HOPX: variants seen among roughly 807,000 people sequenced by gnomAD.
HOPX encodes HOP homeobox, also known as homeodomain-only protein.
In HOPX, 5 loss-of-function variants were observed where a neutral mutation model predicts 11.8. The ratio of observed to expected loss-of-function variants is 0.43; its 90% CI spans 0.22 to 0.89. The LOEUF is 0.89. Ranked by LOEUF, HOPX falls within the 40% of genes least tolerant of loss-of-function variation. The pLI is 0.28. For missense variants in HOPX, 119 were observed against 120.0 expected (o/e 0.99, Z 0.04); for synonymous variants, 49 against 49.7 (o/e 0.99, Z 0.06).
chr4:56,650,726 G>A lies in HOPX; in HGVS notation c.199-1929C>T, dbSNP rs1717085784. 4.5e-6 allele frequency: 7 copies of A among 1,551,698 alleles called. No individual in the cohort carries two copies. In the East Asian group the frequency reaches 1.7e-4, roughly 38 times the overall value. On this transcript the variant is annotated intron_variant, in intron 3 of 3. Coordinates refer to ENST00000420433, the MANE Select transcript of HOPX (RefSeq NM_032495.6). ...GTAGAGAAAAGTAATCGAAAGCCAAGCACGGCAGACTATCATGGGGGTAGC... is the reference window on the plus strand; with the variant it reads ...GTAGAGAAAAGTAATCGAAAGCCAAACACGGCAGACTATCATGGGGGTAGC...
At chr4:56,679,413 G>A (rs1004598696) in intron 1 of HOPX, 1 of 151,694 alleles carries the variant, frequency 6.6e-6, no homozygotes, top group Non-Finnish European at 1.5e-5. Context: ...TGTACCTTGG[G>A]AGTCCCCCCA....
At chr4:56,650,706 G>C in intron 3 of HOPX, 1 of 1,551,784 alleles carries the variant, frequency 6.4e-7, no homozygotes, top group East Asian at 2.4e-5. Context: ...CGGCAGTAGA[G>C]AAAAGTAATC....
chr4:56,673,219 A>C (rs547957709), intron 1 of HOPX, among the ~76,000 whole-genome samples: 18 of 152,360 alleles, frequency 1.2e-4, no homozygotes, highest in African/African-American at 4.3e-4. Context: ...ATAATGCATT[A>C]GAAATATCAT....
chr4:56,657,933 A>T, intron 1 of HOPX, 34 bp from the exon 2 acceptor site: 1 of 1,541,456 alleles, frequency 6.5e-7, no homozygotes, highest in Non-Finnish European at 8.7e-7. Context: ...AGTAGTCATA[A>T]TGCAGGCAGG....
At chr4:56,656,791 C>G (rs754816590) in intron 2 of HOPX, among the ~76,000 whole-genome samples, 1 of 152,164 alleles carries the variant, frequency 6.6e-6, no homozygotes, top group Non-Finnish European at 1.5e-5. Context: ...CCTTCGCCCC[C>G]ACTCTTTCTA....
rs1026065689 is a variant in HOPX at position 56,657,990 on chromosome 4, C to A, written c.-83-91G>T. 16 of 1,197,748 alleles carry A rather than the reference C, an allele frequency of 1.3e-5. No individual in the cohort carries two copies. The African/African-American group carries it at 2.4e-4, about 18-fold the overall frequency. The allele number at this position is 1,197,748 out of a possible 1,614,324, so 74.2% of individuals were successfully genotyped here. A position where few individuals can be genotyped will look rare whatever the true frequency, so the allele number is the denominator to read the frequency against. ...GGCATAGACTGTCCTAGTAGGACAC[C>A]AATTCTAGCCAAAGTTGCCCACGGG... On this transcript the variant is annotated intron_variant, in intron 1 of 3. Coordinates refer to ENST00000420433, the MANE Select transcript of HOPX (RefSeq NM_032495.6).
intron 3 of HOPX, among the ~76,000 whole-genome samples, chr4:56,653,192 C>G (rs767510378): frequency 9.2e-5 from 14 of 152,090 alleles, no homozygotes; most frequent in Non-Finnish European, 1.5e-4. Context: ...CATGCACCAG[C>G]ACACCTGTTT....
intron 1 of HOPX, among the ~76,000 whole-genome samples, chr4:56,677,420 G>T (rs1719073036): frequency 6.6e-6 from 1 of 151,556 alleles, no homozygotes; most frequent in South Asian, 2.1e-4. Context: ...AATTCAAATG[G>T]TAACTATATA....
chr4:56,681,186 G>A, intron 1 of HOPX, 69 bp downstream of exon 1: 1 of 968,616 alleles, frequency 1.0e-6, no homozygotes, highest in Non-Finnish European at 1.2e-6. Context: ...GGTAACGATA[G>A]CATTTTGGTC....
At chr4:56,676,142 C>T in intron 1 of HOPX, among the ~76,000 whole-genome samples, 1 of 151,202 alleles carries the variant, frequency 6.6e-6, no homozygotes, top group South Asian at 2.1e-4. Flanking sequence ...ATCAAAACTA[C>T]AAAAAATTAG....
intron 2 of HOPX, chr4:56,656,357 G>C: frequency 1.9e-6 from 2 of 1,032,676 alleles, no homozygotes; most frequent in Non-Finnish European, 2.3e-6. Flanking sequence ...CGGCTCTAAG[G>C]AAGGAGTGAA....
At chr4:56,656,059 G>C (rs570578711) in intron 2 of HOPX, 47 bp from the exon 3 acceptor site, 51 of 1,463,120 alleles carry the variant, frequency 3.5e-5, no homozygotes, top group South Asian at 5.3e-5. Flanking sequence ...CGTGGAGCGG[G>C]CGGGACGCAG....
chr4:56,677,059 C>T (rs1719056873), intron 1 of HOPX, among the ~76,000 whole-genome samples: 1 of 151,848 alleles, frequency 6.6e-6, no homozygotes, highest in Non-Finnish European at 1.5e-5. Context: ...CAGCCTTCTG[C>T]TCCTGAGAAA....
At chr4:56,649,014 T>A (rs947950030) in intron 3 of HOPX, 9 of 408,198 alleles carry the variant, frequency 2.2e-5, no homozygotes, top group Non-Finnish European at 4.0e-5. Flanking sequence ...TTATTCTTTA[T>A]CTGATGATCT....
chr4:56,671,788 C>A (rs1232410986), intron 1 of HOPX, among the ~76,000 whole-genome samples: 1 of 152,092 alleles, frequency 6.6e-6, no homozygotes, highest in Non-Finnish European at 1.5e-5. Context: ...CGTGATACTG[C>A]AGAAAGAGAT....
intron 1 of HOPX, chr4:56,679,265 G>A (rs1719190701): frequency 6.6e-6 from 1 of 152,086 alleles, no homozygotes; most frequent in Non-Finnish European, 1.5e-5. Flanking sequence ...TAAAAATAAT[G>A]TGGTTAAAGT....
chr4:56,658,078 A>T (rs1717882020), intron 1 of HOPX, among the ~76,000 whole-genome samples, 179 bp from the exon 2 acceptor site: 1 of 152,108 alleles, frequency 6.6e-6, no homozygotes, highest in Non-Finnish European at 1.5e-5. Context: ...GCTGCCTCTG[A>T]TTTTACTTCT....
At chr4:56,652,198 C>A (rs1366265947) in intron 3 of HOPX, among the ~76,000 whole-genome samples, 1 of 152,044 alleles carries the variant, frequency 6.6e-6, no homozygotes, top group Non-Finnish European at 1.5e-5. Flanking sequence ...AGAATTTTGT[C>A]CTGAAGTGGG....
At chr4:56,674,302 A>T (rs1410734595) in intron 1 of HOPX, among the ~76,000 whole-genome samples, 3 of 151,584 alleles carry the variant, frequency 2.0e-5, no homozygotes, top group African/African-American at 7.3e-5. Context: ...AACAGATTTC[A>T]CTCCTGGCAC....
Sources: allele counts gnomAD v4.1 joint callset (sites outside exome capture counted in the v4.1 genomes callset), GRCh38; gene constraint gnomAD v4.1.1; transcripts MANE v1.5; gene names NCBI Gene and HGNC (gene_info 2026-07-23, HGNC 2026-07-21).